PRSS38: variants seen among roughly 807,000 people sequenced by gnomAD.
PRSS38 encodes serine protease 38, also known as marapsin 2.
PRSS38 carries 22 observed loss-of-function variants against 26.8 expected under a neutral mutation model. The observed-to-expected ratio is 0.82, with a 90% CI of 0.59 to 1.17. The LOEUF (loss-of-function observed/expected upper bound fraction) is 1.17. Ranked by LOEUF, PRSS38 falls within the 50% of genes most tolerant of loss-of-function variation. The probability of loss-of-function intolerance (pLI) is 0.00; values close to 1 mark genes in which losing one functional copy is unlikely to be tolerated. For synonymous variants in PRSS38, 175 were observed against 172.1 expected (o/e 1.02, Z -0.13); for missense variants, 427 against 422.7 (o/e 1.01, Z -0.09).
chr1:227,823,074 T>G (rs1383741139), intron 3 of PRSS38, among the ~76,000 whole-genome samples: 1 of 152,162 alleles, frequency 6.6e-6, no homozygotes, highest in Non-Finnish European at 1.5e-5. Flanking sequence ...AGGTAATTTC[T>G]CATCCCCCAT....
chr1:227,830,731 G>T (rs894300310), intron 3 of PRSS38, among the ~76,000 whole-genome samples: 1 of 151,516 alleles, frequency 6.6e-6, no homozygotes, highest in Non-Finnish European at 1.5e-5. Flanking sequence ...TCTCGAACTC[G>T]TGGCCTCAGG....
chr1:227,835,061 G>T (rs144600249), intron 3 of PRSS38, among the ~76,000 whole-genome samples: 67 of 152,246 alleles, frequency 4.4e-4, no homozygotes, highest in African/African-American at 1.5e-3. Flanking sequence ...ACATGTAAAT[G>T]GTCCACAAGC....
intron 3 of PRSS38, among the ~76,000 whole-genome samples, chr1:227,840,121 CT>C (rs1392715236): frequency 2.6e-5 from 4 of 152,084 alleles, no homozygotes; most frequent in Non-Finnish European, 5.9e-5. Flanking sequence ...GGTTTCTACA[CT>C]TTTGTTTTTA....
At chr1:227,818,683 A>AC in intron 3 of PRSS38, among the ~76,000 whole-genome samples, 1 of 151,548 alleles carries the variant, frequency 6.6e-6, no homozygotes, top group African/African-American at 2.4e-5. Context: ...CTCAAAAAAA[A>AC]AAAAAAAAAA....
intron 3 of PRSS38, among the ~76,000 whole-genome samples, chr1:227,826,890 A>T (rs1373368019): frequency 6.6e-6 from 1 of 152,104 alleles, no homozygotes; most frequent in Non-Finnish European, 1.5e-5. Context: ...AACATGAAAG[A>T]ATGTTTAATT....
chr1:227,842,945 G>A (rs765662716), intron 3 of PRSS38, among the ~76,000 whole-genome samples: 6 of 152,134 alleles, frequency 3.9e-5, no homozygotes, highest in Non-Finnish European at 8.8e-5. Context: ...GGATTCCCAG[G>A]CCTTTACAGA....
At chr1:227,836,839 G>T (rs1407681998) in intron 3 of PRSS38, among the ~76,000 whole-genome samples, 2 of 152,060 alleles carry the variant, frequency 1.3e-5, no homozygotes, top group Non-Finnish European at 2.9e-5. Context: ...GTGTACAGCT[G>T]AATTATGTTA....
At chr1:227,820,922 T>C (rs1304748138) in intron 3 of PRSS38, among the ~76,000 whole-genome samples, 1 of 152,252 alleles carries the variant, frequency 6.6e-6, no homozygotes, top group Non-Finnish European at 1.5e-5. Flanking sequence ...TCAGATTTCC[T>C]ATTTCTTCTG....
At chr1:227,839,326 C>T (rs957795942) in intron 3 of PRSS38, among the ~76,000 whole-genome samples, 1 of 151,940 alleles carries the variant, frequency 6.6e-6, no homozygotes, top group African/African-American at 2.4e-5. Flanking sequence ...AATAATTAGC[C>T]AGACATGGAG....
intron 3 of PRSS38, among the ~76,000 whole-genome samples, chr1:227,834,405 G>C (rs900216943): frequency 6.6e-6 from 1 of 151,944 alleles, no homozygotes; most frequent in East Asian, 1.9e-4. Context: ...GTAGTGGCTC[G>C]TGTGTATAAT....
chr1:227,827,940 C>T (rs1246240412), intron 3 of PRSS38, among the ~76,000 whole-genome samples: 1 of 152,100 alleles, frequency 6.6e-6, no homozygotes, highest in Non-Finnish European at 1.5e-5. Context: ...GCCTTAATTT[C>T]ATTATTTACC....
At chr1:227,838,633 T>A (rs1201529929) in intron 3 of PRSS38, among the ~76,000 whole-genome samples, 3 of 152,232 alleles carry the variant, frequency 2.0e-5, no homozygotes, top group Non-Finnish European at 4.4e-5. Context: ...TGAAAAATGT[T>A]CATTCTGTCT....
intron 3 of PRSS38, among the ~76,000 whole-genome samples, chr1:227,845,007 G>T (rs1476387373): frequency 6.8e-6 from 1 of 147,182 alleles, no homozygotes; most frequent in Non-Finnish European, 1.5e-5. Flanking sequence ...CCCTATGTGT[G>T]GTGGGGCTGC....
intron 4 of PRSS38, 63 bp downstream of exon 4, chr1:227,845,675 G>A: frequency 6.4e-7 from 1 of 1,563,094 alleles, no homozygotes; most frequent in Non-Finnish European, 8.7e-7. Context: ...GACCCCACAG[G>A]ACCCCACTCT....
rs113353225 is a variant in PRSS38 at position 227,816,142 on chromosome 1, C to A, written c.201C>A (p.Pro67=). The A allele has an allele frequency of 6.2e-7, 1 of 1,613,736 alleles. No homozygotes were observed. Among genetic ancestry groups the A allele is most frequent in the South Asian group, 1.1e-5 (1 of 91,078 alleles). ...AAATCCTGGGCGGCGTCCCTGCGCCCGAGAGGAAGTGGCCGTGGCAGGTCA... is the reference window on the plus strand; with the variant it reads ...AAATCCTGGGCGGCGTCCCTGCGCCAGAGAGGAAGTGGCCGTGGCAGGTCA... Residue 67 remains proline (P), a synonymous_variant, in exon 2 of 5, where the codon CCC becomes CCA. Transcript: ENST00000366757. The surrounding 1 kb of genome is among the most constrained non-coding windows in gnomAD (Gnocchi z 5.1).
At chr1:227,820,744 A>G (rs1664991768) in intron 3 of PRSS38, among the ~76,000 whole-genome samples, 2 of 152,212 alleles carry the variant, frequency 1.3e-5, no homozygotes, top group African/African-American at 4.8e-5. Context: ...AGAATGAATT[A>G]TGAAGTGTTG....
intron 3 of PRSS38, 35 bp downstream of exon 3, chr1:227,817,515 G>A (rs576353232): frequency 6.2e-7 from 1 of 1,601,520 alleles, no homozygotes; most frequent in South Asian, 1.1e-5. Flanking sequence ...TGGGCAGGAT[G>A]AAGGCTTCTC....
At chr1:227,820,512 G>A (rs10916218) in intron 3 of PRSS38, among the ~76,000 whole-genome samples, 33,416 of 151,804 alleles carry the variant, frequency 0.22, 3,789 homozygotes, top group Middle Eastern at 0.28. Context: ...GTCTTTTTTC[G>A]TTTATTCTAT....
At position 227,845,437 on chromosome 1, in the gene PRSS38, T is replaced by C. The variant is rs199665223; in HGVS notation, c.584-33T>C. ...ATCCCCCCACCCCACACGAAGCAGG[T>C]GCTGCCCCCTCACGGGAGCCCTCCT... On this transcript the variant is annotated intron_variant, in intron 3 of 4. Transcript: ENST00000366757. 100 of 1,576,892 alleles carry C rather than the reference T, an allele frequency of 6.3e-5. No homozygotes were observed. The East Asian group carries it at 2.1e-3, about 34-fold the overall frequency.
Sources: gnomAD v4.1 joint callset for allele counts (sites outside exome capture counted in the v4.1 genomes callset) on GRCh38, gnomAD v4.1.1 for gene constraint, Gnocchi (gnomAD v3.1) non-coding constraint, MANE v1.5 for transcripts, NCBI Gene and HGNC (gene_info 2026-07-23, HGNC 2026-07-21) for gene names.